GALNT10: variants seen among roughly 807,000 people sequenced by gnomAD.
GALNT10 encodes the protein GalNAc transferase 10.
GALNT10 carries 41 observed loss-of-function variants against 75.0 expected under a neutral mutation model. That is an observed-to-expected ratio of 0.55 (90% CI 0.43 to 0.71). The LOEUF is 0.71. GALNT10 is among the 30% of genes least tolerant of loss of function. GALNT10 has a pLI of 0.00. For synonymous variants in GALNT10, 302 were observed against 313.0 expected, an observed-to-expected ratio of 0.96 and a Z score of 0.37; for missense variants, 727 against 818.5, an observed-to-expected ratio of 0.89 and a Z score of 1.36.
intron 1 of GALNT10, among the ~76,000 whole-genome samples, chr5:154,213,164 C>T (rs2113649701): frequency 6.6e-6 from 1 of 152,280 alleles, no homozygotes; most frequent in South Asian, 2.1e-4. Flanking sequence ...GCTATTGCTA[C>T]TATTATCAGC....
At chr5:154,360,674 A>G (rs1054984593) in intron 4 of GALNT10, among the ~76,000 whole-genome samples, 10 of 152,240 alleles carry the variant, frequency 6.6e-5, no homozygotes, top group Admixed American at 5.9e-4. Flanking sequence ...GTGGTTACCT[A>G]TGAGACAGGG....
At chr5:154,191,391 G>GT (rs1282443681) in intron 1 of GALNT10, among the ~76,000 whole-genome samples, 3 of 151,064 alleles carry the variant, frequency 2.0e-5, no homozygotes, top group African/African-American at 7.4e-5. Context: ...GAAGATTCTG[G>GT]TTCTTCTATT....
chr5:154,263,079 A>C (rs1296764733), intron 1 of GALNT10, among the ~76,000 whole-genome samples: 4 of 152,210 alleles, frequency 2.6e-5, no homozygotes, highest in Admixed American at 2.6e-4. Context: ...ACTTTGGAAA[A>C]CAGTCTGGCA....
chr5:154,205,787 C>T (rs1041385974), intron 1 of GALNT10, among the ~76,000 whole-genome samples: 7 of 152,068 alleles, frequency 4.6e-5, no homozygotes, highest in African/African-American at 1.7e-4. Context: ...AGTGATGCTG[C>T]CCTAAGCCAG....
chr5:154,229,588 C>G (rs546011259), intron 1 of GALNT10, among the ~76,000 whole-genome samples: 7 of 152,168 alleles, frequency 4.6e-5, no homozygotes, highest in Admixed American at 2.0e-4. Flanking sequence ...AAAAAATTCG[C>G]CGGGCATGGT....
At chr5:154,237,366 G>T (rs961343676) in intron 1 of GALNT10, among the ~76,000 whole-genome samples, 3 of 152,208 alleles carry the variant, frequency 2.0e-5, no homozygotes, top group Admixed American at 2.0e-4. Context: ...GAGGAGAGAA[G>T]AAATTGCATT....
intron 4 of GALNT10, among the ~76,000 whole-genome samples, chr5:154,370,550 C>T (rs1371123913): frequency 1.3e-5 from 2 of 152,050 alleles, no homozygotes; most frequent in Non-Finnish European, 2.9e-5. Context: ...GGTAGAAGGA[C>T]GAGCACGGGC....
At chr5:154,312,917 A>G (rs1418708450) in intron 3 of GALNT10, among the ~76,000 whole-genome samples, 1 of 152,184 alleles carries the variant, frequency 6.6e-6, no homozygotes, top group Non-Finnish European at 1.5e-5. Flanking sequence ...TTAAAGCTTG[A>G]GTATGTGGAA....
At chr5:154,364,107 A>G (rs1386286254) in intron 4 of GALNT10, among the ~76,000 whole-genome samples, 1 of 152,204 alleles carries the variant, frequency 6.6e-6, no homozygotes, top group Non-Finnish European at 1.5e-5. Flanking sequence ...GGGGAGAAGA[A>G]TAGAATAGGA....
chr5:154,386,330 G>C lies in GALNT10; in HGVS notation c.956G>C (p.Gly319Ala). 1 of 1,613,920 alleles carries C rather than the reference G, an allele frequency of 6.2e-7. No individual in the cohort carries two copies. The highest frequency in any genetic ancestry group is 8.5e-7 in the Non-Finnish European group (1 of 1,179,832). ...TCTGACAGGTCTCCCGTGATGGCCG[G>C]TGGACTGTTCGCCGTGGATCGGAAG... ...SDPFESPVMA[G>A]GLFAVDRKWF... is the part of the protein sequence containing the mutation. Residue 319 changes from glycine (G) to alanine (A), a missense_variant, in exon 7 of 12, where the codon GGT (glycine) becomes GCT (alanine). Gly to Ala is a moderately conservative substitution (Grantham distance 60). Coordinates refer to ENST00000297107, the MANE Select transcript of GALNT10 (RefSeq NM_198321.4).
intron 1 of GALNT10, among the ~76,000 whole-genome samples, chr5:154,232,898 A>T (rs1753171776): frequency 6.6e-6 from 1 of 152,226 alleles, no homozygotes; most frequent in African/African-American, 2.4e-5. Flanking sequence ...ATCATTCTTT[A>T]AAATATCTTT....
At chr5:154,350,151 T>C (rs1755185183) in intron 4 of GALNT10, among the ~76,000 whole-genome samples, 1 of 152,154 alleles carries the variant, frequency 6.6e-6, no homozygotes, top group Non-Finnish European at 1.5e-5. Flanking sequence ...GTAGCCATTT[T>C]TTTGTTTCTT....
chr5:154,339,891 G>A (rs965152423), intron 4 of GALNT10, among the ~76,000 whole-genome samples: 3 of 152,208 alleles, frequency 2.0e-5, no homozygotes, highest in Non-Finnish European at 2.9e-5. Context: ...AATATCCCCA[G>A]GGAGAGGGCA....
At position 154,204,427 on chromosome 5, in the gene GALNT10, C is replaced by T. The variant is rs150081659; in HGVS notation, c.159+13402C>T. On this transcript the variant is annotated intron_variant, in intron 1 of 11. Coordinates refer to ENST00000297107, the MANE Select transcript of GALNT10 (RefSeq NM_198321.4). ...ATTCTTTATGCACAGCCCAAGTACA[C>T]ATTTGCAAGGGTAAATCAGAGGTTT... 4.3e-3 allele frequency among the ~76,000 whole-genome samples: 653 copies of T among 152,342 alleles called. 4 individuals are homozygous for T. The highest frequency in any genetic ancestry group is 0.015 in the African/African-American group (634 of 41,580).
chr5:154,198,260 A>G (rs1301197175), intron 1 of GALNT10, among the ~76,000 whole-genome samples: 1 of 152,190 alleles, frequency 6.6e-6, no homozygotes, highest in Admixed American at 6.5e-5. Flanking sequence ...GGTCTGTAAA[A>G]TGGTAGTAAT....
intron 7 of GALNT10, among the ~76,000 whole-genome samples, chr5:154,400,764 G>A (rs955494558): frequency 1.3e-5 from 2 of 152,184 alleles, no homozygotes; most frequent in Non-Finnish European, 2.9e-5. Flanking sequence ...AGGTAGCCAG[G>A]CAGAGGGAGG....
chr5:154,224,758 T>C (rs1753034323), intron 1 of GALNT10, among the ~76,000 whole-genome samples: 1 of 151,496 alleles, frequency 6.6e-6, no homozygotes, highest in Non-Finnish European at 1.5e-5. Flanking sequence ...ACACAGTCTC[T>C]GTCTACAAGA....
At chr5:154,320,557 A>G (rs910489657) in intron 3 of GALNT10, among the ~76,000 whole-genome samples, 32 of 152,348 alleles carry the variant, frequency 2.1e-4, no homozygotes, top group African/African-American at 6.5e-4. Context: ...AGAAAACCAG[A>G]TATCACCAGT....
intron 3 of GALNT10, among the ~76,000 whole-genome samples, chr5:154,325,093 C>T (rs1249724284): frequency 6.6e-6 from 1 of 152,050 alleles, no homozygotes; most frequent in Non-Finnish European, 1.5e-5. Context: ...TAAGTCAAAA[C>T]TAAATGCAGA....
Sources: gnomAD v4.1 joint callset for allele counts (sites outside exome capture counted in the v4.1 genomes callset) on GRCh38, gnomAD v4.1.1 for gene constraint, MANE v1.5 for transcripts, NCBI Gene and HGNC (gene_info 2026-07-23, HGNC 2026-07-21) for gene names.